COL23A1: variants seen among roughly 807,000 people sequenced by gnomAD.
COL23A1 encodes collagen type XXIII alpha 1 chain, also known as collagen alpha-1(XXIII) chain.
COL23A1 carries 97 observed loss-of-function variants against 99.3 expected under a neutral mutation model. The ratio of observed to expected loss-of-function variants is 0.98; its 90% CI spans 0.83 to 1.16. The LOEUF is 1.16. COL23A1 is among the 50% of genes most tolerant of loss of function. The pLI is 0.00. For synonymous variants in COL23A1, 320 were observed against 308.2 expected (o/e 1.04, Z -0.40); for missense variants, 762 against 757.4 (o/e 1.01, Z -0.07).
chr5:178,283,165 C>T lies in COL23A1; in HGVS notation c.441+5159G>A, dbSNP rs1442887023. Reference sequence around the variant, plus strand: ...CCTCCAAAAGTGCTGGGATTACAGGCGTGAGCCACCGCGCCCGGCCGGGAC... The same window carrying T: ...CCTCCAAAAGTGCTGGGATTACAGGTGTGAGCCACCGCGCCCGGCCGGGAC... On this transcript the variant is annotated intron_variant, in intron 5 of 28. Transcript: ENST00000390654. Among the ~76,000 whole-genome samples the T allele has an allele frequency of 2.0e-5, 3 of 152,130 alleles. No homozygotes were observed. The East Asian group carries it at 5.8e-4, about 29-fold the overall frequency.
intron 2 of COL23A1, chr5:178,344,843 A>C (rs1316442664): frequency 1.5e-5 from 11 of 742,440 alleles, no homozygotes; most frequent in Non-Finnish European, 2.5e-5. Flanking sequence ...CTCATTGAAG[A>C]TGGCGGGGCG....
In COL23A1 at chr5:178,397,770, C is replaced by T. The variant is rs186049035; in HGVS notation, c.362-90851G>A. 9.2e-5 allele frequency among the ~76,000 whole-genome samples: 14 copies of T among 152,244 alleles called. No individual in the cohort carries two copies. The East Asian group carries it at 2.3e-3, about 25-fold the overall frequency. ...TTGGGAGGCTGAGGAGAGCAGATCA[C>T]GAGGTCAAGAGATTGAGACCATCCT... On this transcript the variant is annotated intron_variant, in intron 2 of 28. Coordinates refer to ENST00000390654, the MANE Select transcript of COL23A1 (RefSeq NM_173465.4).
At chr5:178,416,905 C>T (rs960390272) in intron 2 of COL23A1, among the ~76,000 whole-genome samples, 4 of 152,144 alleles carry the variant, frequency 2.6e-5, no homozygotes, top group Non-Finnish European at 5.9e-5. Flanking sequence ...GCAAAGCCTC[C>T]GGTTCAGGCC....
chr5:178,311,078 T>A (rs1228446928), intron 2 of COL23A1, among the ~76,000 whole-genome samples: 3 of 151,942 alleles, frequency 2.0e-5, no homozygotes, highest in Non-Finnish European at 4.4e-5. Flanking sequence ...TGTCCCCCAC[T>A]CTGCATGGGA....
chr5:178,423,840 T>C (rs1183535764), intron 2 of COL23A1, among the ~76,000 whole-genome samples: 1 of 152,114 alleles, frequency 6.6e-6, no homozygotes, highest in Non-Finnish European at 1.5e-5. Context: ...TGCCTCACAA[T>C]AATGCTCACT....
chr5:178,267,606 C>T lies in COL23A1; in HGVS notation c.496-273G>A, dbSNP rs188152327. Among the ~76,000 whole-genome samples the T allele has an allele frequency of 1.4e-4, 22 of 152,254 alleles. No homozygotes were observed. In the East Asian group the frequency reaches 3.1e-3, roughly 21 times the overall value. On this transcript the variant is annotated intron_variant, in intron 7 of 28. Coordinates refer to ENST00000390654, the MANE Select transcript of COL23A1 (RefSeq NM_173465.4). ...GGGGCAGCCCCAGCCATTCGAGGCC[C>T]CAGACATTGTGGAGCAGAGACAGCC...
At chr5:178,368,995 G>A (rs570520584) in intron 2 of COL23A1, among the ~76,000 whole-genome samples, 7 of 152,260 alleles carry the variant, frequency 4.6e-5, no homozygotes, top group Non-Finnish European at 8.8e-5. Context: ...TGCTCAGTGT[G>A]TGTGCCCCTT....
chr5:178,459,232 T>C (rs1226847273), intron 2 of COL23A1, among the ~76,000 whole-genome samples: 1 of 149,510 alleles, frequency 6.7e-6, no homozygotes, highest in African/African-American at 2.5e-5. Context: ...TAATAAATGG[T>C]ATTTTGGTGA....
At chr5:178,318,191 C>T (rs541726889) in intron 2 of COL23A1, among the ~76,000 whole-genome samples, 13 of 152,318 alleles carry the variant, frequency 8.5e-5, no homozygotes, top group African/African-American at 2.4e-4. Flanking sequence ...TTCCAGAATC[C>T]GCAGGAATAG....
At chr5:178,528,131 T>C (rs1166409116) in intron 2 of COL23A1, among the ~76,000 whole-genome samples, 1 of 152,190 alleles carries the variant, frequency 6.6e-6, no homozygotes, top group Non-Finnish European at 1.5e-5. Flanking sequence ...TCCCCGCCTC[T>C]GGCCTCCTGC....
chr5:178,527,827 C>T (rs1760400015), intron 2 of COL23A1, among the ~76,000 whole-genome samples: 1 of 152,212 alleles, frequency 6.6e-6, no homozygotes, highest in African/African-American at 2.4e-5. Flanking sequence ...TGGCCCCAGG[C>T]AAATGCAGCG....
chr5:178,390,508 T>C (rs1041604160), intron 2 of COL23A1, among the ~76,000 whole-genome samples: 1 of 152,182 alleles, frequency 6.6e-6, no homozygotes, highest in Admixed American at 6.5e-5. Context: ...CACCCCAAAG[T>C]GCACAGGACA....
intron 2 of COL23A1, among the ~76,000 whole-genome samples, chr5:178,404,711 T>C (rs1422373085): frequency 6.6e-6 from 1 of 152,066 alleles, no homozygotes; most frequent in African/African-American, 2.4e-5. Flanking sequence ...ACCCCTCATG[T>C]CCTCCGTCCC....
intron 1 of COL23A1, among the ~76,000 whole-genome samples, chr5:178,585,749 T>TACAGCACTG (rs1562115741): frequency 2.6e-5 from 4 of 151,526 alleles, no homozygotes; most frequent in African/African-American, 4.9e-5. Context: ...TGGCTGACCC[T>TACAGCACTG]GTTGGTTGCT....
intron 19 of COL23A1, among the ~76,000 whole-genome samples, chr5:178,248,458 C>T (rs569421673): frequency 1.3e-5 from 2 of 152,288 alleles, no homozygotes; most frequent in South Asian, 2.1e-4. Context: ...CACGAGCAGC[C>T]GCACACATTG....
Position 178,340,318 on chromosome 5 carries a change from A to G in COL23A1, c.362-33399T>C, listed in dbSNP as rs1433799604. On this transcript the variant is annotated intron_variant, in intron 2 of 28. Coordinates refer to ENST00000390654, the MANE Select transcript of COL23A1 (RefSeq NM_173465.4). This position sits in a 1 kb window ranked among gnomAD's most constrained non-coding sequence, Gnocchi z 4.7. ...TAAGAAAAACAATTATCCAAGAAGC[A>G]TGTGTCAGAACAGCTTTGCTGGTGG... 6.6e-6 allele frequency among the ~76,000 whole-genome samples: 1 copy of G among 152,228 alleles called. No individual in the cohort carries two copies. The highest frequency in any genetic ancestry group is 2.4e-5 in the African/African-American group (1 of 41,452).
At chr5:178,499,196 C>T (rs988021948) in intron 2 of COL23A1, among the ~76,000 whole-genome samples, 1 of 152,080 alleles carries the variant, frequency 6.6e-6, no homozygotes, top group Admixed American at 6.6e-5. Flanking sequence ...CATAAAACCC[C>T]ACAAAAATAT....
At chr5:178,446,450 A>T (rs1767162761) in intron 2 of COL23A1, among the ~76,000 whole-genome samples, 1 of 152,150 alleles carries the variant, frequency 6.6e-6, no homozygotes, top group South Asian at 2.1e-4. Flanking sequence ...TATCACACAG[A>T]AAAAGCAAGA....
At chr5:178,462,220 T>C (rs934848239) in intron 2 of COL23A1, among the ~76,000 whole-genome samples, 1 of 152,228 alleles carries the variant, frequency 6.6e-6, no homozygotes, top group Non-Finnish European at 1.5e-5. Context: ...ACAGATGACA[T>C]GGAGTCTCCA....
Sources: allele counts gnomAD v4.1 joint callset (sites outside exome capture counted in the v4.1 genomes callset), GRCh38; gene constraint gnomAD v4.1.1; non-coding constraint Gnocchi (gnomAD v3.1); transcripts MANE v1.5; gene names NCBI Gene and HGNC (gene_info 2026-07-23, HGNC 2026-07-21).